IL6R: variants seen among roughly 807,000 people sequenced by gnomAD.
IL6R encodes interleukin-6 receptor subunit alpha.
IL6R carries 38 observed loss-of-function variants against 48.3 expected under a neutral mutation model. The observed-to-expected ratio is 0.79, with a 90% CI of 0.61 to 1.03. IL6R has a LOEUF of 1.03. Ranked by LOEUF, IL6R falls within the 50% of genes least tolerant of loss-of-function variation. IL6R has a pLI of 0.00. For missense variants in IL6R, 534 were observed against 618.3 expected, an observed-to-expected ratio of 0.86 and a Z score of 1.45; for synonymous variants, 264 against 256.2, an observed-to-expected ratio of 1.03 and a Z score of -0.29.
chr1:154,436,815 G>C (rs1450755154), intron 6 of IL6R, among the ~76,000 whole-genome samples: 1 of 152,184 alleles, frequency 6.6e-6, no homozygotes, highest in Non-Finnish European at 1.5e-5. Flanking sequence ...GTTAAAGGTA[G>C]TAATAATTGC....
intron 1 of IL6R, among the ~76,000 whole-genome samples, chr1:154,410,533 G>A (rs190098684): frequency 6.6e-6 from 1 of 152,332 alleles, no homozygotes; most frequent in Admixed American, 6.5e-5. Context: ...TTACAGGCGT[G>A]AGCCTTTGTG....
At chr1:154,429,105 T>G (rs1415429448) in intron 1 of IL6R, 91 bp from the exon 2 acceptor site, 1 of 1,395,958 alleles carries the variant, frequency 7.2e-7, no homozygotes. Flanking sequence ...TTCATCATTA[T>G]CACTGAGGCC....
chr1:154,413,309 C>A (rs767926125), intron 1 of IL6R, among the ~76,000 whole-genome samples: 7 of 152,210 alleles, frequency 4.6e-5, no homozygotes, highest in African/African-American at 7.2e-5. Flanking sequence ...CACCCGGTTA[C>A]CTTTTGATGG....
chr1:154,457,457 G>A (rs546296378), intron 9 of IL6R, among the ~76,000 whole-genome samples: 2 of 152,030 alleles, frequency 1.3e-5, no homozygotes, highest in African/African-American at 4.8e-5. Context: ...GGAACTTAAA[G>A]GTCACCTTTA....
chr1:154,433,393 A>G (rs549508528), intron 3 of IL6R, among the ~76,000 whole-genome samples: 23 of 152,006 alleles, frequency 1.5e-4, no homozygotes, highest in Admixed American at 7.9e-4. Context: ...AGTTACCCAG[A>G]ATTCTTTTCT....
At chr1:154,407,588 C>T (rs758959593) in intron 1 of IL6R, among the ~76,000 whole-genome samples, 1 of 152,208 alleles carries the variant, frequency 6.6e-6, no homozygotes, top group African/African-American at 2.4e-5. Flanking sequence ...ATAAAGAAAT[C>T]GTACAGGAAG....
chr1:154,415,200 G>T, intron 1 of IL6R: 1 of 687,064 alleles, frequency 1.5e-6, no homozygotes, highest in African/African-American at 1.8e-5. Flanking sequence ...GGCGCCGGCT[G>T]CACTGTTCAC....
chr1:154,436,853 GA>G (rs773388013), intron 6 of IL6R, among the ~76,000 whole-genome samples: 2 of 152,174 alleles, frequency 1.3e-5, no homozygotes, highest in Non-Finnish European at 2.9e-5. Flanking sequence ...ATTAGAGCAT[GA>G]AAAATTCCAG....
intron 9 of IL6R, among the ~76,000 whole-genome samples, chr1:154,460,961 G>A (rs1211841039): frequency 3.9e-5 from 6 of 152,262 alleles, no homozygotes; most frequent in African/African-American, 1.4e-4. Flanking sequence ...CGAACGTCTG[G>A]GCTCGCTGAT....
At chr1:154,452,502 C>G (rs780465886) in intron 8 of IL6R, among the ~76,000 whole-genome samples, 1 of 152,150 alleles carries the variant, frequency 6.6e-6, no homozygotes, top group African/African-American at 2.4e-5. Flanking sequence ...TCAGATGCAC[C>G]CTTCTCCGGG....
At chr1:154,413,169 T>A (rs1017881701) in intron 1 of IL6R, among the ~76,000 whole-genome samples, 3 of 152,084 alleles carry the variant, frequency 2.0e-5, no homozygotes, top group African/African-American at 7.2e-5. Flanking sequence ...GCCAGGCTAA[T>A]TTTTGTATTT....
chr1:154,438,051 A>G (rs1216391925), intron 6 of IL6R, among the ~76,000 whole-genome samples: 1 of 152,036 alleles, frequency 6.6e-6, no homozygotes, highest in Non-Finnish European at 1.5e-5. Flanking sequence ...ATACATGCAC[A>G]TGGCAAAGAA....
In IL6R at chr1:154,444,093, C is replaced by T. The variant is rs558878472; in HGVS notation, c.950-4032C>T. Among the ~76,000 whole-genome samples the T allele has an allele frequency of 3.9e-5, 6 of 152,314 alleles. No individual in the cohort carries two copies. The South Asian group carries it at 8.3e-4, about 21-fold the overall frequency. On this transcript the variant is annotated intron_variant, in intron 6 of 9. Transcript: ENST00000368485. ...CTCCACGACCCTCCTCCCTCATCCTCGCATTGCCTATCCGCCTGACATCCT... is the reference window on the plus strand; with the variant it reads ...CTCCACGACCCTCCTCCCTCATCCTTGCATTGCCTATCCGCCTGACATCCT...
chr1:154,413,481 A>G (rs1168726499), intron 1 of IL6R, among the ~76,000 whole-genome samples: 1 of 152,262 alleles, frequency 6.6e-6, no homozygotes, highest in Non-Finnish European at 1.5e-5. Context: ...ACAGAATAGA[A>G]GTTGCACCAA....
At chr1:154,414,740 T>G in intron 1 of IL6R, 1 of 790,766 alleles carries the variant, frequency 1.3e-6, no homozygotes. Context: ...GGGTTTTTGG[T>G]GTAGACATTG....
chr1:154,415,812 C>T (rs890972069), intron 1 of IL6R, among the ~76,000 whole-genome samples: 1 of 152,100 alleles, frequency 6.6e-6, no homozygotes, highest in African/African-American at 2.4e-5. Context: ...AACCCCATCT[C>T]TACTAAAAAT....
chr1:154,407,730 T>C (rs1330133879), intron 1 of IL6R, among the ~76,000 whole-genome samples: 2 of 152,082 alleles, frequency 1.3e-5, no homozygotes, highest in Non-Finnish European at 2.9e-5. Flanking sequence ...AGAGGTTTGT[T>C]TTCCTCGGGA....
At chr1:154,430,443 C>A (rs767159694) in intron 2 of IL6R, 40 bp from the exon 3 acceptor site, 2 of 1,607,110 alleles carry the variant, frequency 1.2e-6, no homozygotes, top group Non-Finnish European at 8.5e-7. Flanking sequence ...GCCCCAGGAT[C>A]CCCGCCCGCC....
chr1:154,410,226 G>A (rs946072514), intron 1 of IL6R, among the ~76,000 whole-genome samples: 1 of 151,924 alleles, frequency 6.6e-6, no homozygotes, highest in African/African-American at 2.4e-5. Flanking sequence ...GGCTGGAGTG[G>A]CAAGGGGAAG....
Sources: allele counts gnomAD v4.1 joint callset (sites outside exome capture counted in the v4.1 genomes callset), GRCh38; gene constraint gnomAD v4.1.1; transcripts MANE v1.5; gene names NCBI Gene and HGNC (gene_info 2026-07-23, HGNC 2026-07-21).